The following DMD variants were observed in gnomAD, a reference collection of about 807,000 sequenced individuals.
DMD encodes dystrophin, also known as mutant dystrophin.
A neutral mutation model predicts 330.1 loss-of-function variants in DMD; 63 were observed. The ratio of observed to expected loss-of-function variants is 0.19; its 90% CI spans 0.16 to 0.24. DMD has a LOEUF of 0.24. Among genes scored for constraint, DMD ranks in the 10% least tolerant of loss-of-function variants. The pLI is 1.00. For missense variants in DMD, 3,344 were observed against 2,684.1 expected, an observed-to-expected ratio of 1.25 and a Z score of -5.43; for synonymous variants, 1,223 against 959.8, an observed-to-expected ratio of 1.27 and a Z score of -5.07.
chrX:33,001,714 G>A (rs2093283407), intron 2 of DMD, among the ~76,000 whole-genome samples: 1 of 90,901 alleles, frequency 1.1e-5, no homozygotes, highest in African/African-American at 3.6e-5. Context: ...CAAAACCAAA[G>A]CATTCAAATA....
intron 59 of DMD, among the ~76,000 whole-genome samples, chrX:31,449,414 T>C (rs2065523655): frequency 9.0e-6 from 1 of 111,034 alleles, no homozygotes; most frequent in South Asian, 3.8e-4. Flanking sequence ...ACTTTCTCAT[T>C]TTCTCCAACA....
chrX:32,919,503 C>T (rs1450558735), intron 2 of DMD, among the ~76,000 whole-genome samples: 1 of 111,860 alleles, frequency 8.9e-6, no homozygotes, highest in African/African-American at 3.2e-5. Context: ...CTTAAAGTTA[C>T]CTTTTAGCTC....
chrX:32,057,676 T>C lies in DMD; in HGVS notation c.6439-89162A>G, dbSNP rs191733620. 3.9e-3 allele frequency among the ~76,000 whole-genome samples: 437 copies of C among 111,297 alleles called. 4 individuals carry two copies. Among genetic ancestry groups the C allele is most frequent in the African/African-American group, 0.013 (393 of 30,813 alleles). ...TAAAAGTCTATATATCCAAACCATC[T>C]ACAGATACAGTGTAATTCCTATCAT... is the stretch of plus-strand genomic sequence containing the variant. On this transcript the variant is annotated intron_variant, in intron 44 of 78. Transcript: ENST00000357033.
intron 37 of DMD, among the ~76,000 whole-genome samples, chrX:32,353,663 A>G (rs1387870909): frequency 9.0e-6 from 1 of 111,424 alleles, no homozygotes; most frequent in African/African-American, 3.2e-5. Flanking sequence ...GTGTATACCA[A>G]GCATAGGTTT....
chrX:32,328,577 C>T (rs894240367), intron 41 of DMD, among the ~76,000 whole-genome samples: 3 of 110,623 alleles, frequency 2.7e-5, no homozygotes, highest in Non-Finnish European at 5.7e-5. Flanking sequence ...CATTCTGAAA[C>T]TTCAAGCAAC....
intron 42 of DMD, among the ~76,000 whole-genome samples, chrX:32,291,739 C>A (rs1459532095): frequency 9.0e-6 from 1 of 111,581 alleles, no homozygotes; most frequent in Admixed American, 9.6e-5. Flanking sequence ...TGGACATGGT[C>A]ATTCTGAAAA....
chrX:31,499,716 C>T (rs1308881876), intron 56 of DMD, among the ~76,000 whole-genome samples: 1 of 111,514 alleles, frequency 9.0e-6, no homozygotes, highest in Non-Finnish European at 1.9e-5. Context: ...TGGTCTTGAA[C>T]TCTTGACCTC....
intron 44 of DMD, chrX:32,206,240 T>C (rs1206309395): frequency 3.9e-6 from 2 of 515,588 alleles, no homozygotes; most frequent in Non-Finnish European, 7.0e-6. Context: ...ATTTAGTAGC[T>C]GGGGAGGAAG....
chrX:32,341,447 T>A (rs374515425), intron 41 of DMD, among the ~76,000 whole-genome samples: 1 of 111,996 alleles, frequency 8.9e-6, no homozygotes, highest in Non-Finnish European at 1.9e-5. Context: ...ACACTTTCCA[T>A]TCAGTTGTTT....
chrX:31,881,063 T>C (rs1474410326), intron 47 of DMD, among the ~76,000 whole-genome samples: 1 of 111,475 alleles, frequency 9.0e-6, no homozygotes, highest in African/African-American at 3.3e-5. Context: ...GTTTGTGTTT[T>C]ACTTTTTAAC....
At chrX:33,137,255 C>T (rs771052725) in intron 1 of DMD, among the ~76,000 whole-genome samples, 4 of 111,417 alleles carry the variant, frequency 3.6e-5, no homozygotes, top group South Asian at 3.8e-4. Flanking sequence ...TTTCCAACCA[C>T]TTTAACTTGG....
At chrX:31,462,745 A>G (rs188892154) in intron 59 of DMD, among the ~76,000 whole-genome samples, 139 of 112,323 alleles carry the variant, frequency 1.2e-3, no homozygotes, top group African/African-American at 4.3e-3. Context: ...TTAAGTGACT[A>G]TGCACAAAAG....
intron 44 of DMD, among the ~76,000 whole-genome samples, chrX:31,999,882 C>G (rs1465718142): frequency 1.8e-5 from 2 of 111,837 alleles, no homozygotes; most frequent in African/African-American, 6.5e-5. Context: ...TGTATAATTT[C>G]ACTCAGAACC....
chrX:32,480,371 T>A, intron 21 of DMD, among the ~76,000 whole-genome samples: 1 of 93,868 alleles, frequency 1.1e-5, no homozygotes, highest in Admixed American at 1.1e-4. Context: ...ATAAATTTTA[T>A]AAATGTGTGT....
intron 21 of DMD, among the ~76,000 whole-genome samples, chrX:32,478,386 C>A (rs1031305037): frequency 1.8e-5 from 2 of 111,618 alleles, no homozygotes; most frequent in African/African-American, 3.3e-5. Context: ...CATGATCAAT[C>A]TAAAGTCAAG....
intron 7 of DMD, among the ~76,000 whole-genome samples, chrX:32,800,602 G>A (rs1038345805): frequency 1.8e-5 from 2 of 111,142 alleles, no homozygotes; most frequent in African/African-American, 6.5e-5. Context: ...TACATGTGCA[G>A]AACGTGCAGG....
intron 37 of DMD, among the ~76,000 whole-genome samples, chrX:32,361,188 G>T (rs1029063208): frequency 4.5e-5 from 5 of 110,106 alleles, no homozygotes; most frequent in Admixed American, 1.1e-4. Flanking sequence ...ATTTTTTAAG[G>T]ATTGAAATAA....
At chrX:31,201,505 A>C in intron 67 of DMD, among the ~76,000 whole-genome samples, 1 of 113,021 alleles carries the variant, frequency 8.8e-6, no homozygotes, top group East Asian at 2.8e-4. Context: ...TTGTTATTAC[A>C]GAGACAGAAA....
intron 34 of DMD, among the ~76,000 whole-genome samples, chrX:32,370,368 T>C (rs1206366705): frequency 6.3e-5 from 7 of 110,812 alleles, no homozygotes; most frequent in South Asian, 3.8e-4. Context: ...GTTTAGGACA[T>C]ATTTTACTAT....
Sources: gnomAD v4.1 joint callset for allele counts (sites outside exome capture counted in the v4.1 genomes callset) on GRCh38, gnomAD v4.1.1 for gene constraint, MANE v1.5 for transcripts, NCBI Gene and HGNC (gene_info 2026-07-23, HGNC 2026-07-21) for gene names.